Variants in HDAC9 observed in about 807,000 individuals in gnomAD.
HDAC9 encodes MEF-2 interacting transcription repressor (MITR) protein.
A neutral mutation model predicts 139.4 loss-of-function variants in HDAC9; 41 were observed. The ratio of observed to expected loss-of-function variants is 0.29; its 90% confidence interval spans 0.23 to 0.38. HDAC9 has a LOEUF of 0.38. Among genes scored for constraint, HDAC9 ranks in the 10% least tolerant of loss-of-function variants. The probability of loss-of-function intolerance (pLI) is 1.00; values close to 1 mark genes in which losing one functional copy is unlikely to be tolerated. For missense variants in HDAC9, 1,147 were observed against 1,297.0 expected, an observed-to-expected ratio of 0.88 and a Z score of 1.78; for synonymous variants, 517 against 476.2, an observed-to-expected ratio of 1.09 and a Z score of -1.12.
At chr7:18,515,919 A>G (rs1356318675) in intron 2 of HDAC9, among the ~76,000 whole-genome samples, 2 of 152,254 alleles carry the variant, frequency 1.3e-5, no homozygotes, top group African/African-American at 2.4e-5. Context: ...GGCATAAGAT[A>G]TATAAAGAAT....
At chr7:18,784,947 G>GTA (rs1304114296) in intron 16 of HDAC9, among the ~76,000 whole-genome samples, 5 of 11,962 alleles carry the variant, frequency 4.2e-4, no homozygotes, top group Non-Finnish European at 1.9e-3. Context: ...AATTGCTTGT[G>GTA]TGTGTGTGTG....
chr7:18,204,905 T>C (rs1791388118), intron 2 of HDAC9, among the ~76,000 whole-genome samples: 1 of 152,066 alleles, frequency 6.6e-6, no homozygotes. Context: ...AGTTATATTA[T>C]TTTGTTTCTT....
chr7:18,317,090 T>A (rs1799703623), intron 1 of HDAC9, among the ~76,000 whole-genome samples: 1 of 121,998 alleles, frequency 8.2e-6, no homozygotes, highest in Non-Finnish European at 1.6e-5. Flanking sequence ...TCAGACTCTG[T>A]CTCAAAATAA....
At chr7:18,257,270 GAGGATCGCTTGAGCT>G (rs1213734565) in intron 2 of HDAC9, among the ~76,000 whole-genome samples, 1 of 151,042 alleles carries the variant, frequency 6.6e-6, no homozygotes, top group Non-Finnish European at 1.5e-5. Flanking sequence ...AGCTCAGGAG[GAGGATCGCTTGAGCT>G]CAGGAGGTGG....
intron 23 of HDAC9, among the ~76,000 whole-genome samples, chr7:18,945,595 C>T (rs1000466553): frequency 6.6e-6 from 1 of 152,092 alleles, no homozygotes; most frequent in Non-Finnish European, 1.5e-5. Context: ...TTTATTCTTT[C>T]CTTCCTCTTT....
At chr7:18,606,283 A>G (rs1055982839) in intron 6 of HDAC9, among the ~76,000 whole-genome samples, 1 of 152,224 alleles carries the variant, frequency 6.6e-6, no homozygotes, top group African/African-American at 2.4e-5. Context: ...AGTTCTTCAC[A>G]TGTGGAAATG....
intron 17 of HDAC9, among the ~76,000 whole-genome samples, chr7:18,828,153 G>C (rs61154440): frequency 3.3e-5 from 5 of 152,158 alleles, no homozygotes; most frequent in African/African-American, 1.2e-4. Context: ...CTAGAGAATA[G>C]ATTAGTTTTC....
chr7:18,823,524 G>A (rs563549186), intron 17 of HDAC9, among the ~76,000 whole-genome samples: 15 of 152,134 alleles, frequency 9.9e-5, no homozygotes, highest in Non-Finnish European at 1.5e-4. Flanking sequence ...GTTGGAGGGA[G>A]AAAGTGACAA....
At chr7:18,393,125 ATT>A (rs66516361) in intron 1 of HDAC9, among the ~76,000 whole-genome samples, 3,446 of 149,408 alleles carry the variant, frequency 0.023, 131 homozygotes, top group East Asian at 0.18. Flanking sequence ...GATAAAATGG[ATT>A]TTTTTTTTTT....
At chr7:18,511,281 G>C (rs1030352657) in intron 2 of HDAC9, among the ~76,000 whole-genome samples, 6 of 152,206 alleles carry the variant, frequency 3.9e-5, no homozygotes, top group Admixed American at 3.9e-4. Context: ...TATTATCCCA[G>C]TAATTAAATG....
At chr7:18,760,416 C>T (rs996615703) in intron 14 of HDAC9, among the ~76,000 whole-genome samples, 8 of 152,098 alleles carry the variant, frequency 5.3e-5, no homozygotes, top group African/African-American at 1.7e-4. Context: ...GAATGTTTCC[C>T]AGCAAGCTAC....
At chr7:18,307,272 T>C (rs1208402067) in intron 1 of HDAC9, among the ~76,000 whole-genome samples, 1 of 152,072 alleles carries the variant, frequency 6.6e-6, no homozygotes, top group African/African-American at 2.4e-5. Flanking sequence ...TGAACATTTA[T>C]ACCTGTTAAT....
intron 1 of HDAC9, among the ~76,000 whole-genome samples, chr7:18,376,901 T>G (rs553195109): frequency 8.1e-4 from 123 of 152,296 alleles, no homozygotes; most frequent in African/African-American, 2.9e-3. Flanking sequence ...ACTTAGGTGC[T>G]ATACCATCCA....
chr7:18,986,752 A>G (rs1471987488), intron 25 of HDAC9, among the ~76,000 whole-genome samples: 1 of 152,130 alleles, frequency 6.6e-6, no homozygotes, highest in Non-Finnish European at 1.5e-5. Context: ...TTCCTTGAGC[A>G]GTGGTTTGTA....
At chr7:18,320,304 G>T (rs564747488) in intron 1 of HDAC9, among the ~76,000 whole-genome samples, 5 of 152,274 alleles carry the variant, frequency 3.3e-5, no homozygotes, top group Admixed American at 6.5e-5. Flanking sequence ...ATCCAGTGGT[G>T]ACACCTCCAC....
chr7:18,822,649 G>T (rs1352477024), intron 17 of HDAC9, among the ~76,000 whole-genome samples: 1 of 152,130 alleles, frequency 6.6e-6, no homozygotes, highest in Non-Finnish European at 1.5e-5. Flanking sequence ...CAGCACACCT[G>T]GCCACATATT....
At chr7:18,886,710 C>T (rs756825690) in intron 22 of HDAC9, among the ~76,000 whole-genome samples, 1 of 152,128 alleles carries the variant, frequency 6.6e-6, no homozygotes, top group African/African-American at 2.4e-5. Context: ...ATTTTCTTTA[C>T]AGACTTCCAG....
intron 12 of HDAC9, among the ~76,000 whole-genome samples, chr7:18,686,803 C>T (rs1782308733): frequency 1.3e-5 from 2 of 151,772 alleles, no homozygotes; most frequent in Non-Finnish European, 2.9e-5. Context: ...TGGTTGGAAT[C>T]CTCTCACCTT....
intron 25 of HDAC9, among the ~76,000 whole-genome samples, chr7:18,986,882 G>A (rs372199045): frequency 6.6e-6 from 1 of 152,158 alleles, no homozygotes; most frequent in Non-Finnish European, 1.5e-5. Flanking sequence ...TGTTGTTGGT[G>A]TATAAGAATG....
Sources: gnomAD v4.1 joint callset for allele counts (sites outside exome capture counted in the v4.1 genomes callset) on GRCh38, gnomAD v4.1.1 for gene constraint, MANE v1.5 for transcripts, NCBI Gene and HGNC (gene_info 2026-07-23, HGNC 2026-07-21) for gene names.